Variants in SLC14A2 observed in about 807,000 individuals in gnomAD.
SLC14A2 encodes the protein solute carrier family 14 member 2.
Under a neutral mutation model 104.6 loss-of-function variants are expected in SLC14A2, and 91 were observed. That is an observed-to-expected ratio of 0.87 (90% CI 0.73 to 1.04). SLC14A2 has a LOEUF of 1.04. Ranked by LOEUF, SLC14A2 falls within the 50% of genes least tolerant of loss-of-function variation. SLC14A2 has a pLI of 0.00. For missense variants in SLC14A2, 1,189 were observed against 1,156.0 expected (o/e 1.03, Z -0.41); for synonymous variants, 476 against 466.4 (o/e 1.02, Z -0.27).
the SLC14A2 span, among the ~76,000 whole-genome samples, chr18:45,178,432 G>A: frequency 2.0e-5 from 3 of 151,966 alleles, no homozygotes; most frequent in African/African-American, 7.2e-5. Flanking sequence ...CACGTTATTG[G>A]CATTAAAGAA....
At chr18:45,338,590 A>G (rs561017018) in intron 1 of SLC14A2, among the ~76,000 whole-genome samples, 5 of 150,772 alleles carry the variant, frequency 3.3e-5, no homozygotes, top group South Asian at 2.1e-4. Context: ...TCTAAAGTGT[A>G]TAAAAACAAT....
chr18:45,179,362 C>A, the SLC14A2 span, among the ~76,000 whole-genome samples: 1 of 152,194 alleles, frequency 6.6e-6, no homozygotes, highest in Admixed American at 6.5e-5. Context: ...CTCTCTCCCA[C>A]CATGGCCTCA....
intron 1 of SLC14A2, among the ~76,000 whole-genome samples, chr18:45,424,451 T>A (rs373800844): frequency 6.6e-6 from 1 of 152,074 alleles, no homozygotes; most frequent in East Asian, 1.9e-4. Context: ...GGGAAACACA[T>A]GGTGTGGATG....
intron 1 of SLC14A2, among the ~76,000 whole-genome samples, chr18:45,337,897 C>A (rs973534121): frequency 6.6e-6 from 1 of 152,160 alleles, no homozygotes; most frequent in African/African-American, 2.4e-5. Flanking sequence ...ATAATGCAGC[C>A]AGGCTTTTCC....
chr18:45,423,709 A>G (rs2086382113), intron 1 of SLC14A2: 1 of 152,222 alleles, frequency 6.6e-6, no homozygotes, highest in Admixed American at 6.5e-5. Flanking sequence ...TACATCATAA[A>G]TATGACATCC....
the SLC14A2 span, among the ~76,000 whole-genome samples, chr18:45,185,820 A>C: frequency 0.092 from 14,062 of 152,252 alleles, 672 homozygotes; most frequent in East Asian, 0.14. Flanking sequence ...ATATACAAAA[A>C]TCAACTGCAT....
chr18:45,332,455 G>C (rs766966317), intron 1 of SLC14A2, among the ~76,000 whole-genome samples: 4 of 152,124 alleles, frequency 2.6e-5, no homozygotes, highest in Non-Finnish European at 4.4e-5. Context: ...TAAGAGAGTT[G>C]AGTATCCATG....
chr18:45,474,956 T>C (rs2087329835), intron 1 of SLC14A2, among the ~76,000 whole-genome samples: 1 of 152,200 alleles, frequency 6.6e-6, no homozygotes, highest in Admixed American at 6.5e-5. Flanking sequence ...TCTAGTTCTT[T>C]TAATTGTGAT....
At chr18:45,673,985 T>C (rs2046186221) in intron 18 of SLC14A2, among the ~76,000 whole-genome samples, 168 bp downstream of exon 18, 1 of 152,204 alleles carries the variant, frequency 6.6e-6, no homozygotes, top group South Asian at 2.1e-4. Context: ...TTGATTGTTG[T>C]TCCTGGGCTG....
chr18:45,351,539 A>G (rs2085503989), intron 1 of SLC14A2, among the ~76,000 whole-genome samples: 1 of 151,910 alleles, frequency 6.6e-6, no homozygotes, highest in African/African-American at 2.4e-5. Flanking sequence ...CATTTTTTTA[A>G]AGACAAGGTC....
intron 1 of SLC14A2, among the ~76,000 whole-genome samples, chr18:45,236,531 GTA>G (rs1351173376): frequency 1.7e-5 from 2 of 119,896 alleles, no homozygotes; most frequent in South Asian, 4.9e-4. Flanking sequence ...GTGTATATAT[GTA>G]TATATACATG....
intron 10 of SLC14A2, among the ~76,000 whole-genome samples, chr18:45,657,569 G>A (rs371668939): frequency 6.6e-6 from 1 of 151,132 alleles, no homozygotes; most frequent in East Asian, 1.9e-4. Context: ...AGAAAGGAAA[G>A]AAAAGAAAGA....
In SLC14A2 at chr18:45,627,053, A is replaced by G. The variant is rs756368679; in HGVS notation, c.427A>G (p.Ile143Val). 1 of 1,613,786 alleles carries G rather than the reference A, an allele frequency of 6.2e-7. No individual in the cohort carries two copies. The highest frequency in any genetic ancestry group is 8.5e-7 in the Non-Finnish European group (1 of 1,179,998). ...NNPLSGLIIFIGLLIQNPWWT... is the reference protein window; with the variant it reads ...NNPLSGLIIFVGLLIQNPWWT... ...TCCTCTCAGCGGCCTCATCATCTTCATAGGGCTGCTGATCCAGAATCCCTG... is the reference window on the plus strand; with the variant it reads ...TCCTCTCAGCGGCCTCATCATCTTCGTAGGGCTGCTGATCCAGAATCCCTG... Residue 143 changes from isoleucine to valine, a missense_variant, in exon 4 of 20, where the codon ATA becomes GTA. Coordinates refer to ENST00000255226, the MANE Select transcript of SLC14A2 (RefSeq NM_007163.4).
intron 18 of SLC14A2, among the ~76,000 whole-genome samples, chr18:45,676,861 C>A (rs2046236541): frequency 6.6e-6 from 1 of 152,198 alleles, no homozygotes; most frequent in Non-Finnish European, 1.5e-5. Flanking sequence ...GTCAGGTCTG[C>A]CTGACTGTAA....
intron 1 of SLC14A2, among the ~76,000 whole-genome samples, chr18:45,361,265 C>T (rs541205725): frequency 6.6e-6 from 1 of 152,230 alleles, no homozygotes; most frequent in South Asian, 2.1e-4. Flanking sequence ...TCATTCATCC[C>T]CCAGTAGCCA....
chr18:45,615,729 C>CTAA (rs1305412551), intron 1 of SLC14A2, 147 bp downstream of exon 1: 2 of 151,864 alleles, frequency 1.3e-5, no homozygotes, highest in Non-Finnish European at 2.9e-5. Context: ...CCACCACTGT[C>CTAA]TAATAACACT....
the SLC14A2 span, among the ~76,000 whole-genome samples, chr18:45,177,091 C>A: frequency 1.3e-5 from 2 of 152,176 alleles, no homozygotes; most frequent in African/African-American, 4.8e-5. Flanking sequence ...ACCTAAGGGG[C>A]ATGCTTGACT....
chr18:45,249,540 C>T (rs2144071792), intron 1 of SLC14A2, among the ~76,000 whole-genome samples: 1 of 152,228 alleles, frequency 6.6e-6, no homozygotes, highest in South Asian at 2.1e-4. Context: ...AATGTGTGGT[C>T]TTTTAAGAAA....
intron 1 of SLC14A2, among the ~76,000 whole-genome samples, chr18:45,359,772 A>C (rs890506923): frequency 3.3e-5 from 5 of 152,230 alleles, no homozygotes; most frequent in African/African-American, 1.2e-4. Context: ...TGCTGCCACC[A>C]AATGGGGCAG....
Sources: gnomAD v4.1 joint callset for allele counts (sites outside exome capture counted in the v4.1 genomes callset) on GRCh38, gnomAD v4.1.1 for gene constraint, MANE v1.5 for transcripts, NCBI Gene and HGNC (gene_info 2026-07-23, HGNC 2026-07-21) for gene names.